The following ANO10 variants were observed in gnomAD, a reference collection of about 807,000 sequenced individuals.
ANO10 encodes anoctamin 10.
Under a neutral mutation model 74.7 loss-of-function variants are expected in ANO10, and 77 were observed. That is an observed-to-expected ratio of 1.03 (90% CI 0.86 to 1.25). ANO10 has a LOEUF of 1.25. ANO10 is among the 50% of genes most tolerant of loss of function. The pLI, the probability that ANO10 is intolerant of heterozygous loss-of-function variation, is 0.00. For synonymous variants in ANO10, 279 were observed against 284.9 expected (o/e 0.98, Z 0.21); for missense variants, 721 against 778.1 (o/e 0.93, Z 0.87).
chr3:43,616,598 C>T (rs2083119786), intron 1 of ANO10, among the ~76,000 whole-genome samples: 1 of 152,116 alleles, frequency 6.6e-6, no homozygotes, highest in Non-Finnish European at 1.5e-5. Flanking sequence ...GTAAGCCTAG[C>T]CCCTTTAAGG....
Position 43,576,708 on chromosome 3 carries a change from CTCGGCAGCATATCGATAGAGACGAT to C in ANO10, c.1121_1145del (p.Asn374SerfsTer3), listed in dbSNP as rs2081011120. The C allele has an allele frequency of 6.2e-7, 1 of 1,614,166 alleles. No individual in the cohort carries two copies. Among genetic ancestry groups the C allele is most frequent in the African/African-American group, 1.3e-5 (1 of 75,026 alleles). The stretch of plus-strand genomic sequence containing the variant: ...AAGTCTTACCCCATGAAGTTAAAAA[CTCGGCAGCATATCGATAGAGACGAT>C]TCATGATCTCAATCACAATGGCATA... On this transcript the variant is annotated frameshift_variant, in exon 6 of 13. Transcript: ENST00000292246. LOFTEE classifies it high-confidence loss of function.
intron 11 of ANO10, among the ~76,000 whole-genome samples, chr3:43,496,664 C>T (rs1385035876): frequency 1.3e-5 from 2 of 151,950 alleles, no homozygotes; most frequent in African/African-American, 4.8e-5. Flanking sequence ...CGTCATGTTG[C>T]CCAAGCTGGT....
chr3:43,624,134 T>C (rs1364375653), upstream of ANO10, among the ~76,000 whole-genome samples: 2 of 152,190 alleles, frequency 1.3e-5, no homozygotes, highest in Non-Finnish European at 2.9e-5. Context: ...TTGGACAGCA[T>C]AAATGGCAAA....
intron 8 of ANO10, among the ~76,000 whole-genome samples, chr3:43,562,004 C>T (rs1405303220): frequency 6.6e-6 from 1 of 151,822 alleles, no homozygotes; most frequent in African/African-American, 2.4e-5. Context: ...TAATACATAC[C>T]CTCACTACAA....
Position 43,561,226 on chromosome 3 carries a change from A to G in ANO10, c.1470T>C (p.Thr490=). 1 of 1,614,148 alleles carries G rather than the reference A, an allele frequency of 6.2e-7. No homozygotes were observed. Among genetic ancestry groups the G allele is most frequent in the Middle Eastern group, 1.6e-4 (1 of 6,062 alleles). The part of the protein sequence containing the change: ...EQVILEKEMG[T]YLGTFDDYLE... ...CAGCAATATTCCAACTTACCAAATAAGTTCCCATTTCTTTTTCCAGGATGA... is the reference window on the plus strand; with the variant it reads ...CAGCAATATTCCAACTTACCAAATAGGTTCCCATTTCTTTTTCCAGGATGA... Residue 490 remains threonine (T), a synonymous_variant, in exon 9 of 13, where the codon ACT becomes ACC. Transcript: ENST00000292246.
chr3:43,409,769 A>G (rs1393291642), intron 12 of ANO10, among the ~76,000 whole-genome samples: 2 of 152,230 alleles, frequency 1.3e-5, no homozygotes, highest in African/African-American at 2.4e-5. Flanking sequence ...TGCATATTCC[A>G]TGACTAAACT....
At chr3:43,552,696 GGATATATATA>G (rs1228587244) in intron 10 of ANO10, among the ~76,000 whole-genome samples, 16 of 51,144 alleles carry the variant, frequency 3.1e-4, no homozygotes, top group Non-Finnish European at 4.8e-4. Context: ...TATTATCTCT[GGATATATATA>G]TATATATATA....
intron 12 of ANO10, among the ~76,000 whole-genome samples, chr3:43,383,475 G>A (rs7633996): frequency 0.57 from 77,661 of 135,748 alleles, 24,806 homozygotes; most frequent in East Asian, 0.77. Flanking sequence ...AAAAAAAAAA[G>A]GATACTCCAC....
chr3:43,430,485 A>G (rs2092964381), intron 12 of ANO10, among the ~76,000 whole-genome samples: 1 of 152,054 alleles, frequency 6.6e-6, no homozygotes, highest in Non-Finnish European at 1.5e-5. Context: ...GAGTTAAAAT[A>G]AAGTATAATA....
intron 3 of ANO10, among the ~76,000 whole-genome samples, chr3:43,599,403 C>T (rs998915510): frequency 6.6e-6 from 1 of 152,076 alleles, no homozygotes; most frequent in Non-Finnish European, 1.5e-5. Flanking sequence ...CAGTATAGAA[C>T]CAACGACCCT....
At chr3:43,376,087 A>T (rs921919598) in intron 12 of ANO10, among the ~76,000 whole-genome samples, 2 of 152,182 alleles carry the variant, frequency 1.3e-5, no homozygotes, top group Non-Finnish European at 2.9e-5. Flanking sequence ...CTGGTGATGG[A>T]GAGCTGCTGA....
chr3:43,658,906 G>A lies in ANO10; in HGVS notation c.-12+32611C>T, dbSNP rs1460128123. ...GGGGTTCTATAAAGGTCTTTGGGGT[G>A]CTGGAATAGTCTATTTCTTGACCTG... On this transcript the variant is annotated intron_variant, in intron 1 of 3. Transcript: ENST00000413397. 6.6e-5 allele frequency among the ~76,000 whole-genome samples: 10 copies of A among 152,240 alleles called. No homozygotes were observed. The East Asian group carries it at 1.9e-3, about 29-fold the overall frequency.
intron 1 of ANO10, among the ~76,000 whole-genome samples, chr3:43,681,043 ACAT>A (rs2084190196): frequency 6.6e-6 from 1 of 152,202 alleles, no homozygotes; most frequent in African/African-American, 2.4e-5. Context: ...TAACCATCTA[ACAT>A]CATAATGACA....
At chr3:43,431,914 C>T (rs1177283130) in intron 12 of ANO10, among the ~76,000 whole-genome samples, 1 of 152,056 alleles carries the variant, frequency 6.6e-6, no homozygotes, top group East Asian at 1.9e-4. Context: ...GGTTTGGAGG[C>T]CAAAGAAGGA....
chr3:43,371,003 C>T (rs1559483517), intron 12 of ANO10, among the ~76,000 whole-genome samples: 1 of 152,156 alleles, frequency 6.6e-6, no homozygotes, highest in Non-Finnish European at 1.5e-5. Flanking sequence ...CAAATGGCCC[C>T]TTCTCCCTCC....
intron 1 of ANO10, among the ~76,000 whole-genome samples, chr3:43,674,861 TC>T (rs773903076): frequency 2.6e-5 from 4 of 152,300 alleles, no homozygotes; most frequent in South Asian, 4.1e-4. Context: ...TGTGAGCCTC[TC>T]CTAGAAGGGC....
At position 43,518,698 on chromosome 3, in the gene ANO10, C is replaced by A. The variant is rs371607213; in HGVS notation, c.1797+31022G>T. On this transcript the variant is annotated intron_variant, in intron 11 of 12. Coordinates refer to ENST00000292246, the MANE Select transcript of ANO10 (RefSeq NM_018075.5). ...CTCTAGGAATGTCTGTCTTATATGT[C>A]GATAAGGGATGAAATAAGCCCCGGT... Among the ~76,000 whole-genome samples, 16 of 152,192 alleles carry A rather than the reference C, an allele frequency of 1.1e-4. 1 individual carries two copies. The highest frequency in any genetic ancestry group is 7.7e-4 in the East Asian group (4 of 5,184).
At chr3:43,469,146 G>A (rs141615110) in intron 11 of ANO10, among the ~76,000 whole-genome samples, 2,008 of 144,412 alleles carry the variant, frequency 0.014, 32 homozygotes, top group Non-Finnish European at 0.022. Context: ...AGGTTCAAGC[G>A]ATTCTCCTGC....
intron 11 of ANO10, among the ~76,000 whole-genome samples, chr3:43,518,720 C>T (rs527519924): frequency 1.3e-4 from 20 of 152,228 alleles, no homozygotes; most frequent in South Asian, 4.1e-4. Context: ...AAATAAGCCC[C>T]GGTCTCCTGT....
Sources: gnomAD v4.1 joint callset for allele counts (sites outside exome capture counted in the v4.1 genomes callset) on GRCh38, gnomAD v4.1.1 for gene constraint, MANE v1.5 for transcripts, NCBI Gene and HGNC (gene_info 2026-07-23, HGNC 2026-07-21) for gene names.